PYM1: variants seen among roughly 807,000 people sequenced by gnomAD.
The protein encoded by PYM1 is PYM1 exon junction complex associated factor, also known as partner of Y14 and mago.
A neutral mutation model predicts 20.7 loss-of-function variants in PYM1; 7 were observed. The observed-to-expected ratio is 0.34, with a 90% CI of 0.19 to 0.64. The LOEUF (loss-of-function observed/expected upper bound fraction) is 0.64. Among genes scored for constraint, PYM1 ranks in the 30% least tolerant of loss-of-function variants. The pLI is 0.74. For synonymous variants in PYM1, 100 were observed against 99.2 expected (o/e 1.01, Z -0.05); for missense variants, 194 against 250.0 (o/e 0.78, Z 1.51).
intron 1 of PYM1, chr12:55,914,303 T>C (rs1882970511): frequency 1.4e-6 from 1 of 702,240 alleles, no homozygotes; most frequent in Non-Finnish European, 2.6e-6. Flanking sequence ...GGTTCCATCC[T>C]CTGGCCTTGA....
chr12:55,917,047 A>T (rs1180559633), intron 1 of PYM1, among the ~76,000 whole-genome samples: 1 of 151,924 alleles, frequency 6.6e-6, no homozygotes, highest in Non-Finnish European at 1.5e-5. Flanking sequence ...GCCAGCAGTA[A>T]ACTGCAATCA....
intron 1 of PYM1, among the ~76,000 whole-genome samples, chr12:55,925,316 T>C (rs558570395): frequency 6.6e-6 from 1 of 152,332 alleles, no homozygotes; most frequent in Admixed American, 6.5e-5. Context: ...GACAAAAAGC[T>C]GATCCTGTGG....
intron 1 of PYM1, among the ~76,000 whole-genome samples, chr12:55,919,859 C>A (rs1356128359): frequency 1.3e-5 from 2 of 148,856 alleles, no homozygotes; most frequent in Admixed American, 6.8e-5. Flanking sequence ...GCACTCCAGT[C>A]TGGGTGACTG....
At chr12:55,924,826 G>A (rs705713) in intron 1 of PYM1, among the ~76,000 whole-genome samples, 5,855 of 152,060 alleles carry the variant, frequency 0.039, 381 homozygotes, top group African/African-American at 0.13. Context: ...ACAGGCCCAC[G>A]CCACCATGCC....
chr12:55,913,148 T>C (rs139867672), intron 1 of PYM1, among the ~76,000 whole-genome samples: 1 of 152,208 alleles, frequency 6.6e-6, no homozygotes, highest in Admixed American at 6.6e-5. Flanking sequence ...GCAGCCTTCC[T>C]GACTTCCTTA....
At chr12:55,924,535 A>G (rs192181244) in intron 1 of PYM1, among the ~76,000 whole-genome samples, 7 of 152,338 alleles carry the variant, frequency 4.6e-5, no homozygotes, top group Admixed American at 3.3e-4. Context: ...AAAGGAAACA[A>G]AAATGATAGG....
chr12:55,905,877 T>TAGATATATATATATCTA (rs1882795775), intron 1 of PYM1, among the ~76,000 whole-genome samples: 1 of 115,938 alleles, frequency 8.6e-6, no homozygotes, highest in Admixed American at 1.0e-4. Context: ...ATATATCTAT[T>TAGATATATATATATCTA]AGATATATAT....
In PYM1 at chr12:55,903,367, C is replaced by G. The variant is rs777864049; in HGVS notation, c.131+20G>C. ...TAGGGACCCCATCAGAAAACCCCTACGCAAAGCCTAACCACGTACACTGGG... is the reference window on the plus strand; with the variant it reads ...TAGGGACCCCATCAGAAAACCCCTAGGCAAAGCCTAACCACGTACACTGGG... On this transcript the variant is annotated intron_variant, in intron 2 of 2. Coordinates refer to ENST00000408946, the MANE Select transcript of PYM1 (RefSeq NM_032345.3). The G allele has an allele frequency of 6.2e-7, 1 of 1,611,154 alleles. No homozygotes were observed. The highest frequency in any genetic ancestry group is 8.5e-7 in the Non-Finnish European group (1 of 1,177,492).
At chr12:55,919,034 G>GT (rs1466547622) in intron 1 of PYM1, among the ~76,000 whole-genome samples, 4 of 151,922 alleles carry the variant, frequency 2.6e-5, no homozygotes, top group Admixed American at 1.3e-4. Flanking sequence ...TTTTGCGTTT[G>GT]TTTTTTTTAA....
chr12:55,902,457 C>CT (rs1049938182), intron 2 of PYM1, 102 bp from the exon 3 acceptor site: 2 of 1,459,326 alleles, frequency 1.4e-6, no homozygotes, highest in Non-Finnish European at 1.8e-6. Flanking sequence ...TTCTTGCTTC[C>CT]TTTTTTTGTT....
At chr12:55,904,790 T>C (rs1288871827) in intron 1 of PYM1, among the ~76,000 whole-genome samples, 1 of 151,304 alleles carries the variant, frequency 6.6e-6, no homozygotes, top group East Asian at 2.0e-4. Flanking sequence ...GGCACGAGAA[T>C]CGCTTGAACC....
rs376008650 is a variant in PYM1 at position 55,902,158 on chromosome 12, C to G, written c.329G>C (p.Ser110Thr). The G allele has an allele frequency of 1.9e-5, 30 of 1,614,014 alleles. No homozygotes were observed. Among genetic ancestry groups the G allele is most frequent in the Non-Finnish European group, 2.3e-5 (27 of 1,180,042 alleles). ...CAGGGACACCTTATCAAGAGTCCTGCTCAAGGCCTCTGCCTCTCCTTTCTC... is the reference window on the plus strand; with the variant it reads ...CAGGGACACCTTATCAAGAGTCCTGGTCAAGGCCTCTGCCTCTCCTTTCTC... The part of the protein sequence containing the change: ...QQEKGEAEAL[S>T]RTLDKVSLEE... The change falls in exon 3 of 3, where the codon AGC becomes ACC. Residue 110 changes from serine to threonine, a missense_variant. Transcript: ENST00000408946.
chr12:55,924,022 G>C (rs1883144914), intron 1 of PYM1, among the ~76,000 whole-genome samples: 1 of 151,474 alleles, frequency 6.6e-6, no homozygotes, highest in African/African-American at 2.4e-5. Flanking sequence ...GTTGCAGTGA[G>C]CCGAGATCGC....
chr12:55,911,909 G>C (rs568316101), intron 1 of PYM1, among the ~76,000 whole-genome samples: 6 of 152,040 alleles, frequency 3.9e-5, no homozygotes, highest in African/African-American at 1.4e-4. Flanking sequence ...GAGAACTTAT[G>C]GTTTGTAGGG....
intron 1 of PYM1, chr12:55,927,034 CGAGAGCCCG>C: frequency 6.7e-7 from 1 of 1,491,082 alleles, no homozygotes. Flanking sequence ...ACCCCTGCCC[CGAGAGCCCG>C]GAGAGAAGCG....
chr12:55,915,868 C>CA (rs1240331541), intron 1 of PYM1, among the ~76,000 whole-genome samples: 1 of 152,158 alleles, frequency 6.6e-6, no homozygotes, highest in African/African-American at 2.4e-5. Flanking sequence ...AGAGGAACAA[C>CA]AAAAGCAAAA....
At chr12:55,927,080 G>A (rs1319349249) in intron 1 of PYM1, 1 of 1,516,160 alleles carries the variant, frequency 6.6e-7, no homozygotes, top group Non-Finnish European at 8.9e-7. Context: ...ACTCACCGCC[G>A]GTCTCGTCAG....
At chr12:55,925,155 C>T (rs1883167658) in intron 1 of PYM1, among the ~76,000 whole-genome samples, 1 of 152,128 alleles carries the variant, frequency 6.6e-6, no homozygotes, top group South Asian at 2.1e-4. Context: ...AACAGAAGTG[C>T]CTGCTTAGTA....
chr12:55,904,663 C>G (rs1002652882), intron 1 of PYM1, among the ~76,000 whole-genome samples: 1 of 144,720 alleles, frequency 6.9e-6, no homozygotes, highest in African/African-American at 2.6e-5. Flanking sequence ...AAAAGGCCAT[C>G]AAGTGGAGTT....
Sources: allele counts gnomAD v4.1 joint callset (sites outside exome capture counted in the v4.1 genomes callset), GRCh38; gene constraint gnomAD v4.1.1; transcripts MANE v1.5; gene names NCBI Gene and HGNC (gene_info 2026-07-23, HGNC 2026-07-21).